PLA2G4E: variants seen among roughly 807,000 people sequenced by gnomAD.
PLA2G4E encodes the protein phospholipase A2 group IVE, also known as cytosolic phospholipase A2 epsilon.
In PLA2G4E, 84 loss-of-function variants were observed where a neutral mutation model predicts 109.1. That is an observed-to-expected ratio of 0.77 (90% confidence interval 0.65 to 0.92). PLA2G4E has a LOEUF of 0.92. Among genes scored for constraint, PLA2G4E ranks in the 40% least tolerant of loss-of-function variants. PLA2G4E has a pLI of 0.00. For missense variants in PLA2G4E, 1,057 were observed against 1,076.6 expected, an observed-to-expected ratio of 0.98 and a Z score of 0.25; for synonymous variants, 469 against 436.1, an observed-to-expected ratio of 1.08 and a Z score of -0.94.
intron 18 of PLA2G4E, 36 bp from the exon 19 acceptor site, chr15:41,984,655 A>T: frequency 6.6e-7 from 1 of 1,517,550 alleles, no homozygotes; most frequent in Non-Finnish European, 8.9e-7. Flanking sequence ...GAGCATTAGG[A>T]GGAGTGGGAG....
chr15:41,987,308 G>T (rs2068158113), exon 17 of PLA2G4E: 1 of 1,613,852 alleles, frequency 6.2e-7, no homozygotes, highest in Non-Finnish European at 8.5e-7. Flanking sequence ...ATGACCCTGG[G>T]ATCACTACCG....
At chr15:42,018,208 A>G (rs905985093) in intron 1 of PLA2G4E, among the ~76,000 whole-genome samples, 1 of 152,222 alleles carries the variant, frequency 6.6e-6, no homozygotes, top group Non-Finnish European at 1.5e-5. Flanking sequence ...GCAAAAATTC[A>G]TGGCCTGGAG....
chr15:42,013,538 A>G (rs2068558459), intron 2 of PLA2G4E, 147 bp downstream of exon 2: 1 of 704,422 alleles, frequency 1.4e-6, no homozygotes, highest in Non-Finnish European at 2.4e-6. Flanking sequence ...GTGCACATAC[A>G]TGCACACACA....
At chr15:41,992,951 G>A (rs778664823) in exon 13 of PLA2G4E, 2 of 1,611,456 alleles carry the variant, frequency 1.2e-6, no homozygotes, top group African/African-American at 1.3e-5. Flanking sequence ...GTACAAGGTA[G>A]CCATGGTCCT....
At chr15:42,000,169 G>A (rs577760246) in exon 8 of PLA2G4E, 6 of 1,595,774 alleles carry the variant, frequency 3.8e-6, no homozygotes, top group Non-Finnish European at 5.1e-6. Context: ...TTGGGGTAGT[G>A]GAAGCAGGCA....
intron 1 of PLA2G4E, chr15:42,050,494 AC>A: frequency 6.5e-7 from 1 of 1,542,938 alleles, no homozygotes; most frequent in South Asian, 1.2e-5. Flanking sequence ...AAGGGACCAG[AC>A]CCCCCTCCCA....
intron 2 of PLA2G4E, 55 bp from the exon 3 acceptor site, chr15:42,007,920 CA>C: frequency 6.5e-7 from 1 of 1,542,336 alleles, no homozygotes; most frequent in South Asian, 1.2e-5. Context: ...CATGTGGAGT[CA>C]AAAGGGAACT....
intron 1 of PLA2G4E, among the ~76,000 whole-genome samples, chr15:42,026,547 G>A (rs541221310): frequency 1.3e-5 from 2 of 152,342 alleles, no homozygotes; most frequent in African/African-American, 4.8e-5. Context: ...GCAAGTGTTG[G>A]TGGGAATATG....
At position 41,989,482 on chromosome 15, in the gene PLA2G4E, G is replaced by C. The variant is rs769124346; in HGVS notation, c.1656C>G (p.Phe552Leu). 3 of 1,613,976 alleles carry C rather than the reference G, an allele frequency of 1.9e-6. No homozygotes were observed. The Admixed American group carries it at 5.0e-5, about 27-fold the overall frequency. The change falls in exon 15 of 20, where the codon TTC becomes TTG. Residue 552 changes from phenylalanine (F) to leucine (L), a missense_variant. By Grantham distance (22) the Phe-to-Leu change is conservative. Transcript: ENST00000399518. Reference sequence around the variant, plus strand: ...GCCGCCCCATGAAGAACTCGGAGCCGAAGAGCTCGGAGGGGATGAAGGCCC... The same window carrying C: ...GCCGCCCCATGAAGAACTCGGAGCCCAAGAGCTCGGAGGGGATGAAGGCCC...
At chr15:42,016,235 T>A (rs1285763158) in intron 1 of PLA2G4E, among the ~76,000 whole-genome samples, 1 of 150,106 alleles carries the variant, frequency 6.7e-6, no homozygotes, top group East Asian at 1.9e-4. Flanking sequence ...CATCTTTTTA[T>A]CTTTACTTTT....
intron 1 of PLA2G4E, among the ~76,000 whole-genome samples, chr15:42,044,093 C>G (rs961655210): frequency 6.6e-6 from 1 of 152,184 alleles, no homozygotes; most frequent in Non-Finnish European, 1.5e-5. Context: ...CACTGTGCTA[C>G]AGGTTCCGAG....
In PLA2G4E at chr15:42,000,222, C is replaced by G. The variant is rs752440353; in HGVS notation, c.734G>C (p.Cys245Ser). The change falls in exon 8 of 20, where the codon TGC becomes TCC. Residue 245 changes from cysteine (C) to serine (S), a missense_variant. By Grantham distance (112) the Cys-to-Ser change is moderately radical (BLOSUM62 -1). Coordinates refer to ENST00000399518, the Ensembl canonical transcript of PLA2G4E. ...AGAGGTTGGGCAGCAGGGTTCCAAG[C>G]AGGGCCGGACACGCTGGGTGTTCTC... The G allele has an allele frequency of 1.3e-5, 21 of 1,586,102 alleles. No individual in the cohort carries two copies. In the South Asian group the frequency reaches 2.4e-4, roughly 18 times the overall value.
At chr15:42,039,584 C>G (rs2141075790) in intron 1 of PLA2G4E, among the ~76,000 whole-genome samples, 1 of 151,982 alleles carries the variant, frequency 6.6e-6, no homozygotes, top group Non-Finnish European at 1.5e-5. Flanking sequence ...TGTATATACA[C>G]ATATACTTGG....
chr15:41,990,282 G>A lies in PLA2G4E; in HGVS notation c.1471-47C>T, dbSNP rs779171102. On this transcript the variant is annotated intron_variant, in intron 13 of 19. Coordinates refer to ENST00000399518, the Ensembl canonical transcript of PLA2G4E. ...AAAGAGAAGCAGCAGCCCAGAGGGT[G>A]AGGGAGGCAGTGCAGAATGAGAAGA... 1.1e-5 allele frequency: 17 copies of A among 1,533,744 alleles called. No individual in the cohort carries two copies. In the South Asian group the frequency reaches 1.8e-4, roughly 16 times the overall value.
chr15:41,986,953 A>T (rs2068151389), intron 17 of PLA2G4E: 2 of 590,360 alleles, frequency 3.4e-6, no homozygotes, highest in Non-Finnish European at 6.0e-6. Context: ...GACTGTACAG[A>T]TGCAGTGAGT....
chr15:42,022,829 A>G (rs1052606328), intron 1 of PLA2G4E, among the ~76,000 whole-genome samples: 7 of 152,138 alleles, frequency 4.6e-5, no homozygotes, highest in African/African-American at 1.7e-4. Context: ...CCCCTGGTTT[A>G]CAGAGCTCTG....
intron 12 of PLA2G4E, 107 bp downstream of exon 12, chr15:41,995,253 G>C: frequency 7.1e-7 from 1 of 1,414,908 alleles, no homozygotes; most frequent in Non-Finnish European, 9.6e-7. Context: ...CAGGCTTCAG[G>C]AGTCACTTTG....
chr15:42,037,083 G>T (rs951977508), intron 1 of PLA2G4E, among the ~76,000 whole-genome samples: 3 of 152,252 alleles, frequency 2.0e-5, no homozygotes, highest in Admixed American at 6.5e-5. Flanking sequence ...ATGGGGTGGG[G>T]GGTGAGGCCA....
At chr15:41,984,533 C>T in exon 19 of PLA2G4E, 2 of 1,613,898 alleles carry the variant, frequency 1.2e-6, no homozygotes, top group South Asian at 2.2e-5. Flanking sequence ...GGTAGCATTC[C>T]TTGAGATTTT....
Sources: gnomAD v4.1 joint callset for allele counts (sites outside exome capture counted in the v4.1 genomes callset) on GRCh38, gnomAD v4.1.1 for gene constraint, MANE v1.5 for transcripts, NCBI Gene and HGNC (gene_info 2026-07-23, HGNC 2026-07-21) for gene names.